ASPG: variants seen among roughly 807,000 people sequenced by gnomAD.
ASPG encodes asparaginase.
Under a neutral mutation model 63.2 loss-of-function variants are expected in ASPG, and 53 were observed. The observed-to-expected ratio is 0.84, with a 90% confidence interval of 0.67 to 1.05. The LOEUF (loss-of-function observed/expected upper bound fraction) is 1.05. ASPG is among the 50% of genes least tolerant of loss of function. ASPG has a pLI of 0.00. For synonymous variants in ASPG, 370 were observed against 355.0 expected, an observed-to-expected ratio of 1.04 and a Z score of -0.48; for missense variants, 741 against 794.4, an observed-to-expected ratio of 0.93 and a Z score of 0.81.
At position 104,107,141 on chromosome 14, in the gene ASPG, T is replaced by G. The variant is rs757469927; in HGVS notation, c.1270-41T>G. The G allele has an allele frequency of 3.4e-5, 52 of 1,526,590 alleles. No homozygotes were observed. In the South Asian group the frequency reaches 6.7e-4, roughly 20 times the overall value. 94.6% of individuals were successfully genotyped at this position (1,526,590 alleles called of 1,614,324 possible). ...TCCCCATGGCCTACCTGGCCCCGCCTGGGTCTCCCTCAGGGGTCGCATGTC... is the reference window on the plus strand; with the variant it reads ...TCCCCATGGCCTACCTGGCCCCGCCGGGGTCTCCCTCAGGGGTCGCATGTC... On this transcript the variant is annotated intron_variant, in intron 11 of 15. Coordinates refer to ENST00000551177, the MANE Select transcript of ASPG (RefSeq NM_001080464.3).
intron 3 of ASPG, among the ~76,000 whole-genome samples, chr14:104,094,104 G>A (rs1050599979): frequency 6.6e-6 from 1 of 152,022 alleles, no homozygotes; most frequent in African/African-American, 2.4e-5. Flanking sequence ...CAGGGTCCAC[G>A]TGTCAGAGCT....
At chr14:104,102,725 A>T (rs2036932984) in intron 6 of ASPG, among the ~76,000 whole-genome samples, 1 of 152,016 alleles carries the variant, frequency 6.6e-6, no homozygotes. Context: ...ACCCCCACCC[A>T]CATGGAGCGG....
chr14:104,104,575 G>C (rs776078860), intron 8 of ASPG, 47 bp from the exon 9 acceptor site: 6 of 1,583,240 alleles, frequency 3.8e-6, no homozygotes, highest in Non-Finnish European at 5.2e-6. Flanking sequence ...CATGGGCTGG[G>C]GGCCGTGGTG....
rs2036205171 is a variant in ASPG at position 104,085,782 on chromosome 14, G to A, written c.12G>A (p.Ala4=). 6.3e-7 allele frequency: 1 copy of A among 1,584,516 alleles called. No individual in the cohort carries two copies. The highest frequency in any genetic ancestry group is 8.5e-7 in the Non-Finnish European group (1 of 1,172,408). MAR[A]VGPERRLLAV... is the part of the protein sequence containing the mutation. ...GTCCCCGGTCCGGCATGGCGCGCGC[G>A]GTGGGGCCCGAGCGGAGGCTGCTGG... The change falls in exon 1 of 16, where the codon GCG becomes GCA. Residue 4 remains alanine (A), a synonymous_variant. Transcript: ENST00000551177.
intron 3 of ASPG, among the ~76,000 whole-genome samples, 196 bp from the exon 4 acceptor site, chr14:104,095,335 G>C (rs968598500): frequency 6.6e-6 from 1 of 152,118 alleles, no homozygotes. Flanking sequence ...TGGAAGCCTC[G>C]GGGCAGGGAG....
intron 7 of ASPG, 60 bp downstream of exon 7, chr14:104,103,735 C>T (rs1045227300): frequency 6.9e-6 from 10 of 1,442,494 alleles, no homozygotes; most frequent in East Asian, 2.5e-5. Context: ...TCTGCAGCTC[C>T]CACGGCCCTC....
In ASPG at chr14:104,110,637, C is replaced by T. The variant is rs1031464666; in HGVS notation, c.1521-865C>T. ...GGCCAGTGAGGCCATCCAGCAGATT[C>T]GCTGCAGAGATTACCCAGTGCCACT... On this transcript the variant is annotated intron_variant, in intron 13 of 15. Coordinates refer to ENST00000551177, the MANE Select transcript of ASPG (RefSeq NM_001080464.3). This position sits in a 1 kb window ranked among gnomAD's most constrained non-coding sequence, Gnocchi z 4.7. 1.1e-5 allele frequency: 11 copies of T among 985,290 alleles called. No homozygotes were observed. Among genetic ancestry groups the T allele is most frequent in the Admixed American group, 6.1e-5 (1 of 16,288 alleles). The allele number at this position is 985,290 out of a possible 1,614,324, so 61.0% of individuals were successfully genotyped here.
intron 6 of ASPG, among the ~76,000 whole-genome samples, chr14:104,099,377 G>A (rs901493034): frequency 1.3e-5 from 2 of 152,062 alleles, no homozygotes; most frequent in African/African-American, 2.4e-5. Flanking sequence ...CTCTGGTTCC[G>A]GCGGGCAGCC....
chr14:104,091,521 C>T lies in ASPG; in HGVS notation c.83-1112C>T, dbSNP rs2036366721. On this transcript the variant is annotated intron_variant, in intron 1 of 15. Transcript: ENST00000551177. This position sits in a 1 kb window ranked among gnomAD's most constrained non-coding sequence, Gnocchi z 6.4. Reference sequence around the variant, plus strand: ...GGCTCCACAGGCCTTTGTGTAAGGCCAGAGGAGGATCACGGGTGCCATAAA... The same window carrying T: ...GGCTCCACAGGCCTTTGTGTAAGGCTAGAGGAGGATCACGGGTGCCATAAA... 6.6e-6 allele frequency among the ~76,000 whole-genome samples: 1 copy of T among 152,100 alleles called. No homozygotes were observed. The highest frequency in any genetic ancestry group is 2.4e-5 in the African/African-American group (1 of 41,402).
chr14:104,097,770 T>A, intron 5 of ASPG, 133 bp downstream of exon 5: 1 of 766,140 alleles, frequency 1.3e-6, no homozygotes, highest in Non-Finnish European at 2.1e-6. Flanking sequence ...GTCTTCTAGA[T>A]CTTATGTTGT....
intron 3 of ASPG, among the ~76,000 whole-genome samples, chr14:104,094,220 T>C (rs2036495240): frequency 6.6e-6 from 1 of 151,962 alleles, no homozygotes; most frequent in South Asian, 2.1e-4. Flanking sequence ...TGTCTTAGCC[T>C]GTCCCAGTTA....
Position 104,097,101 on chromosome 14 carries a change from C to A in ASPG, c.430-453C>A, listed in dbSNP as rs562904998. The stretch of plus-strand genomic sequence containing the variant: ...CCAGCCCATAGTTCTGCTGGGGTAG[C>A]GAGGGAGCTGGGCAGGGCAGCTGCG... On this transcript the variant is annotated intron_variant, in intron 4 of 15. Transcript: ENST00000551177. Among the ~76,000 whole-genome samples the A allele has an allele frequency of 4.6e-5, 7 of 151,996 alleles. No homozygotes were observed. The South Asian group carries it at 1.5e-3, about 32-fold the overall frequency.
intron 3 of ASPG, among the ~76,000 whole-genome samples, chr14:104,094,832 G>A (rs1180984287): frequency 6.6e-6 from 1 of 152,234 alleles, no homozygotes; most frequent in Admixed American, 6.5e-5. Context: ...GCCAGCAGAG[G>A]GCGCCCTTCC....
Position 104,105,406 on chromosome 14 carries a change from C to T in ASPG, c.1129C>T (p.Leu377=). The T allele has an allele frequency of 5.0e-6, 8 of 1,611,480 alleles. No homozygotes were observed. Among genetic ancestry groups the T allele is most frequent in the Non-Finnish European group, 6.8e-6 (8 of 1,179,286 alleles). Residue 377 remains leucine (L), a synonymous_variant, in exon 10 of 16, where the codon CTG becomes TTG. Coordinates refer to ENST00000551177, the MANE Select transcript of ASPG (RefSeq NM_001080464.3). ...ERRPSLQGNT[L]GGGVSWLLSL... ...CCGGCCCTCACTGCAGGGCAACACGCTGGGCGGTGGGGTCTCCTGGCTCCT... is the reference window on the plus strand; with the variant it reads ...CCGGCCCTCACTGCAGGGCAACACGTTGGGCGGTGGGGTCTCCTGGCTCCT...
At chr14:104,108,126 G>A (rs1045253655) in intron 12 of ASPG, among the ~76,000 whole-genome samples, 3 of 152,126 alleles carry the variant, frequency 2.0e-5, no homozygotes, top group Admixed American at 6.5e-5. Flanking sequence ...GCGGTGAAGC[G>A]GTGAGCCCTG....
intron 3 of ASPG, 44 bp from the exon 4 acceptor site, chr14:104,095,487 G>A: frequency 6.2e-7 from 1 of 1,609,872 alleles, no homozygotes. Context: ...CCCCACACCT[G>A]CTTGCGAGGG....
chr14:104,105,017 C>T, intron 9 of ASPG: 1 of 574,602 alleles, frequency 1.7e-6, no homozygotes, highest in Non-Finnish European at 3.1e-6. Flanking sequence ...CCAGGAAATC[C>T]TCTCCTGCTC....
In ASPG at chr14:104,111,900, T is replaced by G; in HGVS notation, c.1621-20T>G. 6.5e-7 allele frequency: 1 copy of G among 1,549,788 alleles called. No individual in the cohort carries two copies. The highest frequency in any genetic ancestry group is 8.7e-7 in the Non-Finnish European group (1 of 1,146,362). ...TAGTCAGTGGCCCCAAGGCAGCCCC[T>G]CCCCACTGCTTCCCCATAGGCAGAG... is the stretch of plus-strand genomic sequence containing the variant. On this transcript the variant is annotated intron_variant, in intron 14 of 15. Transcript: ENST00000551177.
intron 6 of ASPG, 77 bp downstream of exon 6, chr14:104,099,056 G>T (rs2036756113): frequency 2.0e-6 from 3 of 1,510,688 alleles, no homozygotes; most frequent in African/African-American, 1.4e-5. Context: ...GGAGCTCGTG[G>T]CTGGGACTCG....
Sources: allele counts gnomAD v4.1 joint callset (sites outside exome capture counted in the v4.1 genomes callset), GRCh38; gene constraint gnomAD v4.1.1; non-coding constraint Gnocchi (gnomAD v3.1); transcripts MANE v1.5; gene names NCBI Gene and HGNC (gene_info 2026-07-23, HGNC 2026-07-21).